Variants in PRIM2 observed in about 807,000 individuals in gnomAD.
PRIM2 encodes the protein DNA primase large subunit.
Under a neutral mutation model 67.3 loss-of-function variants are expected in PRIM2, and 39 were observed. The ratio of observed to expected loss-of-function variants is 0.58; its 90% CI spans 0.45 to 0.76. The LOEUF is 0.76. PRIM2 is among the 30% of genes least tolerant of loss of function. The pLI is 0.00. For missense variants in PRIM2, 398 were observed against 598.7 expected, an observed-to-expected ratio of 0.66 and a Z score of 3.50; for synonymous variants, 143 against 198.7, an observed-to-expected ratio of 0.72 and a Z score of 2.36.
chr6:57,368,741 A>C (rs1236299214), intron 5 of PRIM2, among the ~76,000 whole-genome samples: 1 of 152,186 alleles, frequency 6.6e-6, no homozygotes, highest in Non-Finnish European at 1.5e-5. Context: ...TGCTGAAAAA[A>C]CTTCATTGAT....
At chr6:57,611,943 A>G (rs1776674399) in intron 12 of PRIM2, among the ~76,000 whole-genome samples, 1 of 152,142 alleles carries the variant, frequency 6.6e-6, no homozygotes, top group Admixed American at 6.5e-5. Context: ...ATTTGAGTAG[A>G]CAGTTCACCA....
intron 7 of PRIM2, among the ~76,000 whole-genome samples, chr6:57,387,724 T>G (rs1770199158): frequency 6.6e-6 from 1 of 151,704 alleles, no homozygotes; most frequent in African/African-American, 2.4e-5. Context: ...TTTTTTTGCT[T>G]CATATGGCAA....
intron 5 of PRIM2, among the ~76,000 whole-genome samples, chr6:57,358,097 ATTACT>A (rs1197353216): frequency 6.6e-6 from 1 of 152,260 alleles, no homozygotes; most frequent in African/African-American, 2.4e-5. Context: ...CAGAAGATAC[ATTACT>A]TAAGCACCCT....
intron 7 of PRIM2, among the ~76,000 whole-genome samples, chr6:57,437,192 C>G (rs1772038589): frequency 6.6e-6 from 1 of 152,140 alleles, no homozygotes; most frequent in Non-Finnish European, 1.5e-5. Flanking sequence ...AAAACTCAGT[C>G]ACTGTTACAA....
chr6:57,279,111 G>A, the PRIM2 span, among the ~76,000 whole-genome samples: 1 of 152,148 alleles, frequency 6.6e-6, no homozygotes, highest in Non-Finnish European at 1.5e-5. Flanking sequence ...ATTACGGTCT[G>A]TGAAACCCTA....
chr6:57,531,344 T>C (rs1774885300), intron 8 of PRIM2, among the ~76,000 whole-genome samples: 1 of 152,230 alleles, frequency 6.6e-6, no homozygotes, highest in Non-Finnish European at 1.5e-5. Context: ...TTTTATTATT[T>C]GTAGAGACAG....
chr6:57,445,926 G>A (rs1772349927), intron 7 of PRIM2, among the ~76,000 whole-genome samples: 1 of 152,214 alleles, frequency 6.6e-6, no homozygotes, highest in Non-Finnish European at 1.5e-5. Flanking sequence ...TGTTCTCCCA[G>A]CAGCCTGACA....
At chr6:57,235,686 G>A in the PRIM2 span, among the ~76,000 whole-genome samples, 3 of 152,256 alleles carry the variant, frequency 2.0e-5, no homozygotes, top group African/African-American at 7.2e-5. Context: ...ATGTGGTTAA[G>A]AATTGTGAGA....
intron 12 of PRIM2, among the ~76,000 whole-genome samples, chr6:57,613,103 G>A (rs1776695615): frequency 6.6e-6 from 1 of 151,758 alleles, no homozygotes; most frequent in East Asian, 1.9e-4. Flanking sequence ...TTTTTTTAAT[G>A]GGGGGAGAAA....
At chr6:57,395,892 A>G (rs1216800305) in intron 7 of PRIM2, among the ~76,000 whole-genome samples, 2 of 151,874 alleles carry the variant, frequency 1.3e-5, no homozygotes, top group Non-Finnish European at 2.9e-5. Context: ...AATAATTTCT[A>G]TCTTGATTTT....
At chr6:57,221,865 C>G in the PRIM2 span, 9 of 152,716 alleles carry the variant, frequency 5.9e-5, no homozygotes, top group African/African-American at 1.7e-4. Context: ...CCGGGAGGCC[C>G]CTGCCCTCGA....
intron 7 of PRIM2, among the ~76,000 whole-genome samples, chr6:57,433,829 T>G (rs1193333262): frequency 6.6e-6 from 1 of 152,178 alleles, no homozygotes; most frequent in Admixed American, 6.5e-5. Context: ...AAAGCTTGAA[T>G]GAGGCCATTA....
intron 7 of PRIM2, among the ~76,000 whole-genome samples, chr6:57,425,497 G>A (rs1771593480): frequency 6.6e-6 from 1 of 152,134 alleles, no homozygotes; most frequent in Admixed American, 6.5e-5. Context: ...TTACAGGCGT[G>A]AGCCACCACA....
intron 7 of PRIM2, among the ~76,000 whole-genome samples, chr6:57,394,857 A>G (rs62415548): frequency 6.6e-6 from 1 of 151,748 alleles, no homozygotes; most frequent in African/African-American, 2.4e-5. Context: ...TTTTGTGGAG[A>G]GTTTTAATCA....
chr6:57,578,308 T>C (rs1304333893), intron 10 of PRIM2, among the ~76,000 whole-genome samples: 1 of 152,186 alleles, frequency 6.6e-6, no homozygotes. Flanking sequence ...TCAGAACATC[T>C]TGGGGGACAT....
chr6:57,492,013 C>T (rs1554346002), intron 7 of PRIM2, among the ~76,000 whole-genome samples: 3,383 of 152,202 alleles, frequency 0.022, 107 homozygotes, highest in South Asian at 0.072. Flanking sequence ...TTTTCTACTG[C>T]GGGCATGTTT....
intron 7 of PRIM2, among the ~76,000 whole-genome samples, chr6:57,412,201 G>T (rs1240336084): frequency 6.6e-6 from 1 of 151,698 alleles, no homozygotes; most frequent in Non-Finnish European, 1.5e-5. Flanking sequence ...TTAACATTTG[G>T]AACTCATTTT....
At chr6:57,482,460 A>G (rs1180067347) in intron 7 of PRIM2, among the ~76,000 whole-genome samples, 6 of 152,206 alleles carry the variant, frequency 3.9e-5, no homozygotes, top group African/African-American at 1.4e-4. Flanking sequence ...GTGACATCCT[A>G]TGGAAGACTG....
At chr6:57,561,025 T>C (rs1242030168) in intron 10 of PRIM2, among the ~76,000 whole-genome samples, 1 of 152,220 alleles carries the variant, frequency 6.6e-6, no homozygotes. Flanking sequence ...AAGTCCTAGA[T>C]GACATCTTCT....
Sources: allele counts gnomAD v4.1 joint callset (sites outside exome capture counted in the v4.1 genomes callset), GRCh38; gene constraint gnomAD v4.1.1; transcripts MANE v1.5; gene names NCBI Gene and HGNC (gene_info 2026-07-23, HGNC 2026-07-21).